STARD13: variants seen among roughly 807,000 people sequenced by gnomAD.
STARD13 encodes stAR-related lipid transfer protein 13.
In STARD13, 62 loss-of-function variants were observed where a neutral mutation model predicts 106.4. That is an observed-to-expected ratio of 0.58 (90% CI 0.48 to 0.72). The LOEUF (loss-of-function observed/expected upper bound fraction) is 0.72, where lower values mean the gene tolerates loss of function less well. Ranked by LOEUF, STARD13 falls within the 30% of genes least tolerant of loss-of-function variation. The pLI is 0.00. For synonymous variants in STARD13, 565 were observed against 553.0 expected (o/e 1.02, Z -0.31); for missense variants, 1,387 against 1,424.0 (o/e 0.97, Z 0.42).
chr13:33,329,009 C>T (rs766164953), intron 1 of STARD13, among the ~76,000 whole-genome samples: 3 of 152,204 alleles, frequency 2.0e-5, no homozygotes, highest in Admixed American at 6.5e-5. Flanking sequence ...CTAAGTGTTA[C>T]GGTGCAGCTG....
At chr13:33,140,762 C>CTTTTTTTTTT in intron 4 of STARD13, among the ~76,000 whole-genome samples, 1 of 142,326 alleles carries the variant, frequency 7.0e-6, no homozygotes. Context: ...ACTTTCTTTT[C>CTTTTTTTTTT]TTTCTTTTTT....
chr13:33,672,432 G>C, the STARD13 span, among the ~76,000 whole-genome samples: 1 of 152,170 alleles, frequency 6.6e-6, no homozygotes, highest in Admixed American at 6.5e-5. Context: ...TTAAAACCTA[G>C]ATAATGGGTT....
chr13:33,196,067 C>T (rs971799645), intron 1 of STARD13, among the ~76,000 whole-genome samples: 1 of 152,186 alleles, frequency 6.6e-6, no homozygotes, highest in Non-Finnish European at 1.5e-5. Context: ...TTTAAAATTT[C>T]GTATTAAAAT....
At chr13:33,108,341 C>A (rs1874055075) in intron 12 of STARD13, among the ~76,000 whole-genome samples, 1 of 152,196 alleles carries the variant, frequency 6.6e-6, no homozygotes, top group African/African-American at 2.4e-5. Context: ...GGAACCAGAT[C>A]TGGTTCATTG....
chr13:33,328,304 C>G (rs1398006362), intron 1 of STARD13, among the ~76,000 whole-genome samples: 1 of 152,182 alleles, frequency 6.6e-6, no homozygotes. Flanking sequence ...TCAGAGTTCT[C>G]TTTAGCTTTG....
intron 1 of STARD13, among the ~76,000 whole-genome samples, chr13:33,229,355 A>G (rs1266148753): frequency 2.6e-5 from 4 of 152,336 alleles, no homozygotes; most frequent in Non-Finnish European, 2.9e-5. Context: ...GAAACTCTCA[A>G]CTTAAGAGGA....
the STARD13 span, among the ~76,000 whole-genome samples, chr13:33,551,307 G>C: frequency 6.6e-6 from 1 of 152,194 alleles, no homozygotes; most frequent in Admixed American, 6.5e-5. Context: ...ACTGTGTGTT[G>C]TGTATCTGCA....
chr13:33,619,474 A>T, the STARD13 span, among the ~76,000 whole-genome samples: 4 of 152,166 alleles, frequency 2.6e-5, no homozygotes, highest in African/African-American at 9.7e-5. Flanking sequence ...ATAATAATTG[A>T]TTTTACTTTA....
At chr13:33,259,096 TTACCTCTC>T (rs2138315327) in intron 1 of STARD13, among the ~76,000 whole-genome samples, 1 of 152,336 alleles carries the variant, frequency 6.6e-6, no homozygotes, top group South Asian at 2.1e-4. Context: ...TGTACTATCA[TTACCTCTC>T]TACCTCCCTC....
the STARD13 span, among the ~76,000 whole-genome samples, chr13:33,619,972 T>C: frequency 2.6e-5 from 4 of 151,934 alleles, no homozygotes; most frequent in Non-Finnish European, 5.9e-5. Context: ...TGGGAAAATC[T>C]CTTGAACTAG....
chr13:33,437,900 C>T, the STARD13 span, among the ~76,000 whole-genome samples: 1 of 152,172 alleles, frequency 6.6e-6, no homozygotes, highest in Non-Finnish European at 1.5e-5. Context: ...CCCTGAATGA[C>T]AGAGTGGTTA....
intron 1 of STARD13, among the ~76,000 whole-genome samples, chr13:33,309,115 G>A (rs939541636): frequency 5.9e-5 from 9 of 152,204 alleles, no homozygotes; most frequent in African/African-American, 2.2e-4. Context: ...AACACTGGAT[G>A]TGTACAAGGC....
intron 3 of STARD13, among the ~76,000 whole-genome samples, chr13:33,163,518 A>G (rs1210225357): frequency 6.7e-6 from 1 of 148,362 alleles, no homozygotes; most frequent in Admixed American, 6.8e-5. Context: ...TGAACCCAGG[A>G]GGTAAAGCTT....
At chr13:33,483,441 C>T in the STARD13 span, among the ~76,000 whole-genome samples, 1 of 152,266 alleles carries the variant, frequency 6.6e-6, no homozygotes, top group East Asian at 1.9e-4. Flanking sequence ...GAAATTGGCC[C>T]AATTTCCACA....
the STARD13 span, among the ~76,000 whole-genome samples, chr13:33,521,526 G>A: frequency 8.7e-4 from 133 of 152,164 alleles, 4 homozygotes; most frequent in East Asian, 0.024. Flanking sequence ...TGCCACATGG[G>A]CCCCAGCTTG....
the STARD13 span, among the ~76,000 whole-genome samples, chr13:33,606,218 T>C: frequency 6.6e-6 from 1 of 152,130 alleles, no homozygotes. Context: ...GGAGAACTGC[T>C]TGGACTCCGG....
At chr13:33,510,998 AT>A in the STARD13 span, among the ~76,000 whole-genome samples, 276 of 150,920 alleles carry the variant, frequency 1.8e-3, no homozygotes, top group African/African-American at 5.6e-3. Flanking sequence ...TGACACCTAA[AT>A]TTTTTTTTTC....
At chr13:33,483,099 A>C in the STARD13 span, among the ~76,000 whole-genome samples, 2 of 152,214 alleles carry the variant, frequency 1.3e-5, no homozygotes, top group Non-Finnish European at 2.9e-5. Context: ...CAAAATTCTA[A>C]AGTGAGTTAA....
At chr13:33,333,517 G>A (rs980735068) in intron 1 of STARD13, among the ~76,000 whole-genome samples, 9 of 152,200 alleles carry the variant, frequency 5.9e-5, no homozygotes, top group Non-Finnish European at 2.9e-5. Flanking sequence ...CACCTTAGAA[G>A]GAGGCTGGAG....
Sources: allele counts gnomAD v4.1 joint callset (sites outside exome capture counted in the v4.1 genomes callset), GRCh38; gene constraint gnomAD v4.1.1; transcripts MANE v1.5; gene names NCBI Gene and HGNC (gene_info 2026-07-23, HGNC 2026-07-21).